PCCB: variants seen among roughly 807,000 people sequenced by gnomAD.
PCCB encodes propionyl-CoA carboxylase beta chain, mitochondrial.
In PCCB, 43 loss-of-function variants were observed where a neutral mutation model predicts 60.7. That is an observed-to-expected ratio of 0.71 (90% CI 0.55 to 0.91). The LOEUF is 0.91. Among genes scored for constraint, PCCB ranks in the 40% least tolerant of loss-of-function variants. The pLI, the probability that PCCB is intolerant of heterozygous loss-of-function variation, is 0.00. For synonymous variants in PCCB, 276 were observed against 255.9 expected, an observed-to-expected ratio of 1.08 and a Z score of -0.75; for missense variants, 766 against 702.8, an observed-to-expected ratio of 1.09 and a Z score of -1.02.
chr3:136,274,209 T>A (rs1274448426), intron 5 of PCCB, among the ~76,000 whole-genome samples: 2 of 152,068 alleles, frequency 1.3e-5, no homozygotes, highest in Non-Finnish European at 2.9e-5. Flanking sequence ...CATTGTGTTA[T>A]TGTTTTATAG....
intron 5 of PCCB, among the ~76,000 whole-genome samples, chr3:136,275,901 G>GA (rs1942320984): frequency 6.6e-6 from 1 of 152,142 alleles, no homozygotes; most frequent in Admixed American, 6.5e-5. Flanking sequence ...TTCCCGAGTA[G>GA]CTGGGACTAC....
chr3:136,283,910 A>C lies in PCCB; in HGVS notation c.617A>C (p.Tyr206Ser), dbSNP rs779033674. 1.2e-6 allele frequency: 2 copies of C among 1,612,986 alleles called. No homozygotes were observed. Among genetic ancestry groups the C allele is most frequent in the South Asian group, 2.2e-5 (2 of 91,052 alleles). Residue 206 changes from tyrosine (Y) to serine (S), a missense_variant, in exon 6 of 15, where the codon TAC (tyrosine) becomes TCC (serine). Coordinates refer to ENST00000251654, the MANE Select transcript of PCCB (RefSeq NM_000532.5). ...GGCCCATGTGCTGGTGGGGCCGTCT[A>C]CTCCCCAGCCCTAACAGACTTCACG... ...IMGPCAGGAVYSPALTDFTFM... is the reference protein window; with the variant it reads ...IMGPCAGGAVSSPALTDFTFM...
chr3:136,279,674 TA>T (rs1218847091), intron 5 of PCCB, among the ~76,000 whole-genome samples: 1 of 152,118 alleles, frequency 6.6e-6, no homozygotes, highest in Non-Finnish European at 1.5e-5. Context: ...TTTATTTATT[TA>T]TTTATTTTTT....
At position 136,304,148 on chromosome 3, in the gene PCCB, G is replaced by A. The variant is rs1272954046; in HGVS notation, c.966+3037G>A. On this transcript the variant is annotated intron_variant, in intron 9 of 14. Coordinates refer to ENST00000251654, the MANE Select transcript of PCCB (RefSeq NM_000532.5). ...AGAAAGAGATCTCTGGTATCTCTTC[G>A]TCTTTTTTTTTTTTTTTTCCCTCAG... Among the ~76,000 whole-genome samples the A allele has an allele frequency of 8.2e-5, 9 of 110,024 alleles. 1 individual carries two copies. The highest frequency in any genetic ancestry group is 7.5e-4 in the South Asian group (2 of 2,670). 72.2% of individuals were successfully genotyped at this position (110,024 alleles called of 152,430 possible).
chr3:136,253,440 G>A (rs1271206515), intron 1 of PCCB, among the ~76,000 whole-genome samples: 2 of 151,360 alleles, frequency 1.3e-5, no homozygotes, highest in East Asian at 1.9e-4. Flanking sequence ...GCTGGAGTGC[G>A]GTGGAGTGAT....
chr3:136,254,204 A>G (rs1451745057), intron 1 of PCCB, among the ~76,000 whole-genome samples: 2 of 151,566 alleles, frequency 1.3e-5, no homozygotes, highest in African/African-American at 2.4e-5. Flanking sequence ...AGCCCAAGCA[A>G]TGGCGGCTTT....
chr3:136,256,121 T>G (rs1317110542), intron 2 of PCCB, 146 bp downstream of exon 2: 2 of 1,201,136 alleles, frequency 1.7e-6, no homozygotes, highest in Non-Finnish European at 2.3e-6. Context: ...TTTTGTATTT[T>G]TAGTAGAGAT....
intron 8 of PCCB, among the ~76,000 whole-genome samples, chr3:136,300,371 A>G (rs1208872252): frequency 6.6e-6 from 1 of 152,164 alleles, no homozygotes; most frequent in African/African-American, 2.4e-5. Flanking sequence ...GAAGGAGGGA[A>G]TGAAAGCCTA....
chr3:136,255,606 T>G (rs1272271768), intron 1 of PCCB: 2 of 523,174 alleles, frequency 3.8e-6, no homozygotes, highest in Non-Finnish European at 6.9e-6. Context: ...CTCTACCTTT[T>G]CCTCGTCCTA....
intron 9 of PCCB, among the ~76,000 whole-genome samples, chr3:136,315,008 A>G (rs1934829574): frequency 6.6e-6 from 1 of 152,246 alleles, no homozygotes; most frequent in African/African-American, 2.4e-5. Flanking sequence ...ACATGAAGAA[A>G]TACCAAAGGA....
chr3:136,253,009 G>C lies in PCCB; in HGVS notation c.183+2451G>C, dbSNP rs1272680791. Among the ~76,000 whole-genome samples the C allele has an allele frequency of 6.0e-5, 9 of 149,522 alleles. No individual in the cohort carries two copies. In the South Asian group the frequency reaches 1.5e-3, roughly 25 times the overall value. On this transcript the variant is annotated intron_variant, in intron 1 of 14. Transcript: ENST00000251654. ...TTTTTTGTTTGTTTTTGTTTTTTTC[G>C]GGGAGGGGGGGATAGGACAGTAGGC... is the stretch of plus-strand genomic sequence containing the variant.
chr3:136,328,795 T>G lies in PCCB; in HGVS notation c.1436T>G (p.Val479Gly), dbSNP rs1227635960. The change falls in exon 14 of 15, where the codon GTG (valine) becomes GGG (glycine). Residue 479 changes from valine to glycine, a missense_variant. Physicochemically the swap from Val to Gly is moderately radical, Grantham distance 109. Coordinates refer to ENST00000251654, the MANE Select transcript of PCCB (RefSeq NM_000532.5). Reference sequence around the variant, plus strand: ...ATCATCTTCAAAGGGCATGAGAATGTGGAAGCTGCTCAGGCAGAGTACATC... The same window carrying G: ...ATCATCTTCAAAGGGCATGAGAATGGGGAAGCTGCTCAGGCAGAGTACATC... The part of the protein sequence containing the change: ...VEIIFKGHEN[V>G]EAAQAEYIEK... 1 of 1,614,182 alleles carries G rather than the reference T, an allele frequency of 6.2e-7. No homozygotes were observed. Among genetic ancestry groups the G allele is most frequent in the Non-Finnish European group, 8.5e-7 (1 of 1,179,996 alleles).
intron 9 of PCCB, among the ~76,000 whole-genome samples, chr3:136,314,195 G>T (rs1392283664): frequency 1.3e-5 from 2 of 152,142 alleles, no homozygotes; most frequent in East Asian, 3.8e-4. Flanking sequence ...AAGGACACAG[G>T]AACCAGCATG....
At chr3:136,300,980 G>A in intron 8 of PCCB, 50 bp from the exon 9 acceptor site, 1 of 1,394,780 alleles carries the variant, frequency 7.2e-7, no homozygotes, top group Non-Finnish European at 1.0e-6. Flanking sequence ...CCCACAAAAG[G>A]TAACTGGCTC....
rs567782793 is a variant in PCCB at position 136,285,078 on chromosome 3, G to T, written c.654+1131G>T. Among the ~76,000 whole-genome samples, 4 of 105,154 alleles carry T rather than the reference G, an allele frequency of 3.8e-5. No homozygotes were observed. The South Asian group carries it at 1.4e-3, about 37-fold the overall frequency. The allele number at this position is 105,154 out of a possible 152,430, so 69.0% of individuals were successfully genotyped here. On this transcript the variant is annotated intron_variant, in intron 6 of 14. Transcript: ENST00000251654. ...ACTCTAGCTCTGGGTGACAGAGGAA[G>T]ACCCTGCCTCAAAAAAAAAAAAAAA...
intron 9 of PCCB, among the ~76,000 whole-genome samples, chr3:136,313,088 C>T (rs904024419): frequency 2.0e-4 from 31 of 152,154 alleles, no homozygotes; most frequent in Non-Finnish European, 3.1e-4. Flanking sequence ...ACCCCGAAAA[C>T]ACTTTCCATT....
chr3:136,316,954 G>T lies in PCCB; in HGVS notation c.980G>T (p.Arg327Leu). 1 of 1,613,984 alleles carries T rather than the reference G, an allele frequency of 6.2e-7. No individual in the cohort carries two copies. Among genetic ancestry groups the T allele is most frequent in the East Asian group, 2.2e-5 (1 of 44,868 alleles). Reference protein sequence around the residue: ...VDIIHSVVDEREFFEIMPNYA... With the variant: ...VDIIHSVVDELEFFEIMPNYA... Reference sequence around the variant, plus strand: ...TTATTCCTGCAGGTTGTTGATGAGCGTGAATTTTTTGAGATCATGCCCAAT... The same window carrying T: ...TTATTCCTGCAGGTTGTTGATGAGCTTGAATTTTTTGAGATCATGCCCAAT... Residue 327 changes from arginine to leucine, a missense_variant, in exon 10 of 15, where the codon CGT (arginine) becomes CTT (leucine). Transcript: ENST00000251654.
At chr3:136,299,171 A>G (rs556245961) in intron 8 of PCCB, among the ~76,000 whole-genome samples, 3 of 152,046 alleles carry the variant, frequency 2.0e-5, no homozygotes, top group African/African-American at 4.8e-5. Flanking sequence ...CCTCTTCTGC[A>G]TATGATTCCA....
intron 2 of PCCB, chr3:136,256,197 A>C: frequency 1.6e-6 from 1 of 618,970 alleles, no homozygotes; most frequent in South Asian, 2.0e-5. Flanking sequence ...CCCACCTCGG[A>C]CTCCCAAAGT....
Sources: gnomAD v4.1 joint callset for allele counts (sites outside exome capture counted in the v4.1 genomes callset) on GRCh38, gnomAD v4.1.1 for gene constraint, MANE v1.5 for transcripts, NCBI Gene and HGNC (gene_info 2026-07-23, HGNC 2026-07-21) for gene names.